Variants in LRP2 observed in about 807,000 individuals in gnomAD.
The protein encoded by LRP2 is low-density lipoprotein receptor-related protein 2.
Under a neutral mutation model 531.0 loss-of-function variants are expected in LRP2, and 172 were observed. That is an observed-to-expected ratio of 0.32 (90% confidence interval 0.29 to 0.37). LRP2 has a LOEUF of 0.37. Among genes scored for constraint, LRP2 ranks in the 10% least tolerant of loss-of-function variants. The pLI, the probability that LRP2 is intolerant of heterozygous loss-of-function variation, is 1.00. For synonymous variants in LRP2, 1,992 were observed against 2,027.6 expected (o/e 0.98, Z 0.47); for missense variants, 5,167 against 5,868.3 (o/e 0.88, Z 3.90).
intron 35 of LRP2, among the ~76,000 whole-genome samples, chr2:169,214,305 A>G (rs79388776): frequency 0.018 from 2,817 of 152,318 alleles, 68 homozygotes; most frequent in Admixed American, 0.059. Flanking sequence ...AGAGGACAGC[A>G]AGACAGGACA....
chr2:169,306,528 C>T (rs976099682), intron 4 of LRP2, among the ~76,000 whole-genome samples: 1 of 152,072 alleles, frequency 6.6e-6, no homozygotes, highest in Non-Finnish European at 1.5e-5. Context: ...AGTGAAACTC[C>T]TTCTCAAAAA....
At chr2:169,245,186 G>T (rs1168219929) in intron 21 of LRP2, among the ~76,000 whole-genome samples, 1 of 152,142 alleles carries the variant, frequency 6.6e-6, no homozygotes, top group Non-Finnish European at 1.5e-5. Context: ...ATCCTCACAA[G>T]AATACTATAA....
intron 76 of LRP2, among the ~76,000 whole-genome samples, chr2:169,133,227 C>T (rs536087982): frequency 1.7e-4 from 26 of 152,328 alleles, no homozygotes; most frequent in Admixed American, 6.5e-4. Context: ...TAATCTTCTA[C>T]GCATTTTTCT....
At chr2:169,358,916 AG>A (rs1177955236) in intron 1 of LRP2, among the ~76,000 whole-genome samples, 31 of 149,206 alleles carry the variant, frequency 2.1e-4, no homozygotes, top group South Asian at 8.7e-4. Flanking sequence ...AAAAAAAAAA[AG>A]AAAAAATCTT....
intron 57 of LRP2, among the ~76,000 whole-genome samples, 184 bp from the exon 58 acceptor site, chr2:169,172,318 C>T (rs1687036589): frequency 6.6e-6 from 1 of 152,146 alleles, no homozygotes; most frequent in South Asian, 2.1e-4. Context: ...GCCTATCCTA[C>T]CACTTGAAAC....
rs532227607 is a variant in LRP2, at chr2:169,176,198, A to G, written c.10571+213T>C. On this transcript the variant is annotated intron_variant, in intron 54 of 78. Transcript: ENST00000649046. The stretch of plus-strand genomic sequence containing the variant: ...GCTTCCTTTCTATGAAAGTTTGCAT[A>G]TATAGGCATAACAGTTTGGTTAGCA... 3.9e-5 allele frequency among the ~76,000 whole-genome samples: 6 copies of G among 152,370 alleles called. No individual in the cohort carries two copies. The East Asian group carries it at 1.2e-3, about 29-fold the overall frequency.
At chr2:169,324,554 T>G (rs1684992063) in intron 1 of LRP2, among the ~76,000 whole-genome samples, 1 of 152,072 alleles carries the variant, frequency 6.6e-6, no homozygotes, top group Non-Finnish European at 1.5e-5. Context: ...TTAAGCGTTT[T>G]GAAATCGGTA....
At chr2:169,290,056 G>A (rs1411912785) in intron 8 of LRP2, among the ~76,000 whole-genome samples, 1 of 152,044 alleles carries the variant, frequency 6.6e-6, no homozygotes, top group Non-Finnish European at 1.5e-5. Flanking sequence ...TTTCCTTACA[G>A]GACCATCAGC....
intron 4 of LRP2, among the ~76,000 whole-genome samples, chr2:169,303,334 T>C (rs898433658): frequency 1.3e-5 from 2 of 152,222 alleles, no homozygotes; most frequent in Non-Finnish European, 2.9e-5. Context: ...GGTTTAGACC[T>C]AGGTTAAAAT....
At chr2:169,168,128 G>A (rs1222623290) in intron 61 of LRP2, among the ~76,000 whole-genome samples, 1 of 148,036 alleles carries the variant, frequency 6.8e-6, no homozygotes, top group Non-Finnish European at 1.5e-5. Flanking sequence ...GAAAGTCTTA[G>A]CATTTTCTAA....
chr2:169,298,787 G>C (rs888619540), intron 4 of LRP2, among the ~76,000 whole-genome samples: 3 of 151,694 alleles, frequency 2.0e-5, no homozygotes, highest in Non-Finnish European at 4.4e-5. Context: ...TTTCCAGAAG[G>C]AGTACCAGGA....
In LRP2 at chr2:169,208,297, T is replaced by C. The variant is rs545769522; in HGVS notation, c.6470-1047A>G. Among the ~76,000 whole-genome samples, 86 of 152,316 alleles carry C rather than the reference T, an allele frequency of 5.6e-4. 5 individuals carry two copies. In the South Asian group the frequency reaches 0.017, roughly 30 times the overall value. On this transcript the variant is annotated intron_variant, in intron 38 of 78. Coordinates refer to ENST00000649046, the MANE Select transcript of LRP2 (RefSeq NM_004525.3). ...GCACGGGCCATAGTTTGCTGACTACTGCTTTATCTATACCCTCAGAAATAG... is the reference window on the plus strand; with the variant it reads ...GCACGGGCCATAGTTTGCTGACTACCGCTTTATCTATACCCTCAGAAATAG...
intron 69 of LRP2, 23 bp downstream of exon 69, chr2:169,146,716 T>C (rs1685926807): frequency 6.5e-7 from 1 of 1,534,628 alleles, no homozygotes; most frequent in Non-Finnish European, 9.0e-7. Flanking sequence ...ATTTAATATA[T>C]TACTTTCTAA....
chr2:169,329,628 C>T (rs1449422704), intron 1 of LRP2, among the ~76,000 whole-genome samples: 1 of 152,150 alleles, frequency 6.6e-6, no homozygotes, highest in Non-Finnish European at 1.5e-5. Context: ...AGACTTTGAC[C>T]ATGAAAAGAG....
At chr2:169,304,486 T>G (rs1003723412) in intron 4 of LRP2, among the ~76,000 whole-genome samples, 3 of 152,200 alleles carry the variant, frequency 2.0e-5, no homozygotes, top group Admixed American at 6.5e-5. Flanking sequence ...GCTCTGAAAT[T>G]TATAAAATGC....
Position 169,145,863 on chromosome 2 carries a change from T to C in LRP2, c.12872A>G (p.Lys4291Arg), listed in dbSNP as rs779369623. 6.2e-7 allele frequency: 1 copy of C among 1,613,804 alleles called. No individual in the cohort carries two copies. Among genetic ancestry groups the C allele is most frequent in the Admixed American group, 1.7e-5 (1 of 60,014 alleles). ...EDQLYWISKE[K>R]GEVWKQNKFG... ...TTTATTTTGTTTCCATACTTCTCCC[T>C]TTTCCTTAGATATCCAGTATAACTG... The change falls in exon 70 of 79, where the codon AAG (lysine) becomes AGG (arginine). Residue 4291 changes from lysine to arginine, a missense_variant. Coordinates refer to ENST00000649046, the MANE Select transcript of LRP2 (RefSeq NM_004525.3).
intron 63 of LRP2, among the ~76,000 whole-genome samples, chr2:169,159,826 T>A (rs1686507468): frequency 6.6e-6 from 1 of 152,202 alleles, no homozygotes; most frequent in Non-Finnish European, 1.5e-5. Flanking sequence ...AATTTCCTCC[T>A]AGCTCTGAAA....
chr2:169,165,710 G>C (rs1252912280), intron 62 of LRP2, among the ~76,000 whole-genome samples: 1 of 152,214 alleles, frequency 6.6e-6, no homozygotes, highest in Non-Finnish European at 1.5e-5. Context: ...AAAAATTAAT[G>C]GATTTGCCAG....
intron 76 of LRP2, among the ~76,000 whole-genome samples, chr2:169,137,163 C>T (rs915404622): frequency 6.6e-6 from 1 of 152,250 alleles, no homozygotes; most frequent in African/African-American, 2.4e-5. Context: ...GCAGCCCCGG[C>T]ATGGCTGCCA....
Sources: gnomAD v4.1 joint callset for allele counts (sites outside exome capture counted in the v4.1 genomes callset) on GRCh38, gnomAD v4.1.1 for gene constraint, MANE v1.5 for transcripts, NCBI Gene and HGNC (gene_info 2026-07-23, HGNC 2026-07-21) for gene names.